ATP5F1D: variants seen among roughly 807,000 people sequenced by gnomAD.
The protein encoded by ATP5F1D is ATP synthase F(1) complex subunit delta, mitochondrial.
ATP5F1D carries 16 observed loss-of-function variants against 13.0 expected under a neutral mutation model. The ratio of observed to expected loss-of-function variants is 1.23; its 90% CI spans 0.83 to 1.87. The LOEUF (loss-of-function observed/expected upper bound fraction) is 1.87. Among genes scored for constraint, ATP5F1D ranks in the 40% most tolerant of loss-of-function variants. The pLI is 0.00. For missense variants in ATP5F1D, 294 were observed against 246.2 expected (o/e 1.19, Z -1.30); for synonymous variants, 129 against 116.2 (o/e 1.11, Z -0.71).
At chr19:1,242,062 G>C in intron 1 of ATP5F1D, 71 bp downstream of exon 1, 1 of 1,295,028 alleles carries the variant, frequency 7.7e-7, no homozygotes, top group Non-Finnish European at 9.8e-7. Flanking sequence ...CCCCCAGGGC[G>C]CGACCCCCGC....
rs558917543 is a variant in ATP5F1D at position 1,242,066 on chromosome 19, C to T, written c.141+75C>T. 314 of 1,284,918 alleles carry T rather than the reference C, an allele frequency of 2.4e-4. No individual in the cohort carries two copies. The East Asian group carries it at 4.7e-3, about 19-fold the overall frequency. 79.6% of individuals were successfully genotyped at this position (1,284,918 alleles called of 1,614,324 possible). On this transcript the variant is annotated intron_variant, in intron 1 of 3. Transcript: ENST00000215375. ...CAGGGTCCCCACCCCCAGGGCGCGA[C>T]CCCCGCTTCCGGGCCCCCGGACCCG...
chr19:1,242,499 C>T lies in ATP5F1D; in HGVS notation c.185C>T (p.Thr62Met), dbSNP rs768431389. 3.9e-6 allele frequency: 6 copies of T among 1,554,800 alleles called. No homozygotes were observed. The highest frequency in any genetic ancestry group is 1.9e-5 in the Admixed American group (1 of 52,254). The change falls in exon 2 of 4, where the codon ACG becomes ATG. Residue 62 changes from threonine (T) to methionine (M), a missense_variant. Transcript: ENST00000215375. ...GANVRQVDVP[T>M]LTGAFGILAA... is the part of the protein sequence containing the mutation. ...AACGTCCGGCAGGTGGACGTGCCCA[C>T]GCTGACCGGAGCCTTCGGCATCCTG...
Position 1,244,373 on chromosome 19 carries a change from C to A in ATP5F1D, c.443C>A (p.Ala148Asp). Residue 148 changes from alanine to aspartate, a missense_variant, in exon 4 of 4, where the codon GCC (alanine) becomes GAC (aspartate). Transcript: ENST00000215375. ...QAELVGTADE[A>D]TRAEIQIRIE... Reference sequence around the variant, plus strand: ...GAGCTGGTGGGGACAGCTGACGAGGCCACGCGGGCAGAGATCCAGATCCGA... The same window carrying A: ...GAGCTGGTGGGGACAGCTGACGAGGACACGCGGGCAGAGATCCAGATCCGA... The A allele has an allele frequency of 6.3e-7, 1 of 1,580,846 alleles. No individual in the cohort carries two copies.
chr19:1,244,021 G>C, intron 2 of ATP5F1D, 76 bp from the exon 3 acceptor site: 1 of 1,436,544 alleles, frequency 7.0e-7, no homozygotes. Flanking sequence ...AGGGGGCTCT[G>C]GACTTGACCA....
At chr19:1,243,914 T>C (rs950627463) in intron 2 of ATP5F1D, 183 bp from the exon 3 acceptor site, 2 of 625,376 alleles carry the variant, frequency 3.2e-6, no homozygotes, top group Non-Finnish European at 5.6e-6. Flanking sequence ...TGTTCTTCTC[T>C]AGCAGTTGCC....
intron 1 of ATP5F1D, 102 bp from the exon 2 acceptor site, chr19:1,242,354 G>T: frequency 5.3e-6 from 7 of 1,322,530 alleles, no homozygotes; most frequent in South Asian, 1.8e-5. Flanking sequence ...TCACATCAGC[G>T]CCAGGTCCTG....
In ATP5F1D at chr19:1,242,588, G is replaced by C. The variant is rs1205969168; in HGVS notation, c.274G>C (p.Gly92Arg). 12 of 1,534,268 alleles carry C rather than the reference G, an allele frequency of 7.8e-6. No homozygotes were observed. Among genetic ancestry groups the C allele is most frequent in the Non-Finnish European group, 1.1e-5 (12 of 1,136,262 alleles). Residue 92 changes from glycine to arginine, a missense_variant, in exon 2 of 4, where the codon GGC (glycine) becomes CGC (arginine). Gly to Arg is a moderately radical substitution (Grantham distance 125, BLOSUM62 -2). Coordinates refer to ENST00000215375, the MANE Select transcript of ATP5F1D (RefSeq NM_001687.5). ...PGLVVVHAEDGTTSKYFVSSG... is the reference protein window; with the variant it reads ...PGLVVVHAEDRTTSKYFVSSG... The stretch of plus-strand genomic sequence containing the variant: ...GCTGGTCGTGGTGCATGCAGAGGAC[G>C]GCACCACCTCCAAATACTTTGGTGA...
intron 1 of ATP5F1D, 89 bp downstream of exon 1, chr19:1,242,080 C>G: frequency 8.0e-7 from 1 of 1,254,690 alleles, no homozygotes; most frequent in Non-Finnish European, 1.0e-6. Flanking sequence ...CGCTTCCGGG[C>G]CCCCGGACCC....
intron 2 of ATP5F1D, 35 bp downstream of exon 2, chr19:1,242,644 G>C (rs2081043572): frequency 2.1e-6 from 3 of 1,458,946 alleles, no homozygotes; most frequent in East Asian, 2.7e-5. Context: ...GCCAGGCCAG[G>C]CTGGGGCTCC....
chr19:1,242,123 GGACCCTCGGC>G, intron 1 of ATP5F1D, 132 bp downstream of exon 1: 1 of 1,167,760 alleles, frequency 8.6e-7, no homozygotes. Context: ...ACTCAGCCCT[GGACCCTCGGC>G]CCTGCCTCTG....
At position 1,244,164 on chromosome 19, in the gene ATP5F1D, G is replaced by A. The variant is rs747136331; in HGVS notation, c.363G>A (p.Thr121=). ...AGTTGTTGGCCGAAGAGGCCGTGAC[G>A]CTGGACATGTTGGACCTGGGGGTGA... ...SVQLLAEEAV[T]LDMLDLGAAK... The change falls in exon 3 of 4, where the codon ACG becomes ACA. Residue 121 remains threonine (T), a synonymous_variant. Transcript: ENST00000215375. The A allele has an allele frequency of 2.2e-5, 35 of 1,611,974 alleles. No individual in the cohort carries two copies. The Admixed American group carries it at 2.8e-4, about 13-fold the overall frequency.
intron 2 of ATP5F1D, chr19:1,242,840 A>G (rs2145472374): frequency 2.6e-6 from 1 of 391,688 alleles, no homozygotes; most frequent in East Asian, 4.7e-5. Flanking sequence ...AAAATACAGA[A>G]AACTGGCCGG....
In ATP5F1D at chr19:1,244,096, G is replaced by C. The variant is rs139135793; in HGVS notation, c.296-1G>C. On this transcript the variant is annotated splice_acceptor_variant, in intron 2 of 3. Coordinates refer to ENST00000215375, the MANE Select transcript of ATP5F1D (RefSeq NM_001687.5). LOFTEE classifies it high-confidence loss of function. ...GCCTTCCCCCCGCCCCATTCCCCCAGTGAGCAGCGGTTCCATCGCAGTGAA... is the reference window on the plus strand; with the variant it reads ...GCCTTCCCCCCGCCCCATTCCCCCACTGAGCAGCGGTTCCATCGCAGTGAA... 10 of 1,608,612 alleles carry C rather than the reference G, an allele frequency of 6.2e-6. No homozygotes were observed. The highest frequency in any genetic ancestry group is 8.5e-6 in the Non-Finnish European group (10 of 1,177,528).
rs1238350460 is a variant in ATP5F1D, at chr19:1,242,589, G to A, written c.275G>A (p.Gly92Asp). ...CTGGTCGTGGTGCATGCAGAGGACGGCACCACCTCCAAATACTTTGGTGAG... is the reference window on the plus strand; with the variant it reads ...CTGGTCGTGGTGCATGCAGAGGACGACACCACCTCCAAATACTTTGGTGAG... ...PGLVVVHAED[G>D]TTSKYFVSSG... Residue 92 changes from glycine (G) to aspartate (D), a missense_variant, in exon 2 of 4, where the codon GGC (glycine) becomes GAC (aspartate). Gly to Asp is a moderately conservative substitution (Grantham distance 94). Transcript: ENST00000215375. 6.5e-7 allele frequency: 1 copy of A among 1,533,078 alleles called. No homozygotes were observed. The highest frequency in any genetic ancestry group is 1.2e-5 in the South Asian group (1 of 82,578). The allele number at this position is 1,533,078 out of a possible 1,614,324, so 95.0% of individuals were successfully genotyped here. A position where few individuals can be genotyped will look rare whatever the true frequency, so the allele number is the denominator to read the frequency against.
rs1039976431 is a variant in ATP5F1D at position 1,244,647 on chromosome 19, G to C, written c.*210G>C. On this transcript the variant is annotated 3_prime_UTR_variant, in exon 4 of 4. Transcript: ENST00000215375. ...GCCAGGGAAGCTCCTCCTCAGCTTT[G>C]AGCTGTGGCTGCCACCCATGGGGCT... is the stretch of plus-strand genomic sequence containing the variant. The C allele has an allele frequency of 5.3e-6, 4 of 750,290 alleles. No individual in the cohort carries two copies. The highest frequency in any genetic ancestry group is 8.3e-6 in the Non-Finnish European group (4 of 481,016). 46.5% of individuals were successfully genotyped at this position (750,290 alleles called of 1,614,324 possible).
rs1280802781 is a variant in ATP5F1D at position 1,241,937 on chromosome 19, G to C, written c.87G>C (p.Pro29=). 6.7e-7 allele frequency: 1 copy of C among 1,495,324 alleles called. No homozygotes were observed. Among genetic ancestry groups the C allele is most frequent in the Admixed American group, 2.1e-5 (1 of 48,564 alleles). The allele number at this position is 1,495,324 out of a possible 1,614,324, so 92.6% of individuals were successfully genotyped here. ...CCTATGCCGAGGCCGCCGCCGCCCC[G>C]GCTGCCGCCTCTGGCCCCAACCAGA... ...ARAYAEAAAA[P]AAASGPNQMS... The change falls in exon 1 of 4, where the codon CCG becomes CCC. Residue 29 remains proline, a synonymous_variant. Coordinates refer to ENST00000215375, the MANE Select transcript of ATP5F1D (RefSeq NM_001687.5).
chr19:1,242,456 G>T lies in ATP5F1D; in HGVS notation c.142G>T (p.Val48Leu). The change falls in exon 2 of 4, where the codon GTG becomes TTG. Residue 48 changes from valine (V) to leucine (L), a missense_variant and splice_region_variant. Physicochemically the swap from Val to Leu is conservative, Grantham distance 32. Coordinates refer to ENST00000215375, the MANE Select transcript of ATP5F1D (RefSeq NM_001687.5). ...MSFTFASPTQVFFNGANVRQV... is the reference protein window; with the variant it reads ...MSFTFASPTQLFFNGANVRQV... ...TCATTCCCCACGCTGTTGTCTGCAG[G>T]TGTTCTTCAACGGTGCCAACGTCCG... 6.6e-7 allele frequency: 1 copy of T among 1,522,058 alleles called. No individual in the cohort carries two copies. Among genetic ancestry groups the T allele is most frequent in the African/African-American group, 1.4e-5 (1 of 72,712 alleles). 94.3% of individuals were successfully genotyped at this position (1,522,058 alleles called of 1,614,324 possible).
intron 1 of ATP5F1D, 149 bp from the exon 2 acceptor site, chr19:1,242,307 G>A (rs1170831377): frequency 2.0e-6 from 2 of 1,023,590 alleles, no homozygotes; most frequent in African/African-American, 1.7e-5. Context: ...GACCAAAGCT[G>A]CAACTTCGGA....
chr19:1,244,113 C>T lies in ATP5F1D; in HGVS notation c.312C>T (p.Ile104=), dbSNP rs143121586. 2.2e-3 allele frequency: 3,467 copies of T among 1,611,062 alleles called. 40 individuals are homozygous for T. Among genetic ancestry groups the T allele is most frequent in the South Asian group, 0.021 (1,859 of 90,602 alleles). Residue 104 remains isoleucine (I), a synonymous_variant, in exon 3 of 4, where the codon ATC becomes ATT. Coordinates refer to ENST00000215375, the MANE Select transcript of ATP5F1D (RefSeq NM_001687.5). ...TSKYFVSSGS[I]AVNADSSVQL... ...TTCCCCCAGTGAGCAGCGGTTCCAT[C>T]GCAGTGAACGCCGACTCTTCGGTGC...
Sources: allele counts gnomAD v4.1 joint callset, GRCh38; gene constraint gnomAD v4.1.1; transcripts MANE v1.5; gene names NCBI Gene and HGNC (gene_info 2026-07-23, HGNC 2026-07-21).